PCMT1: variants seen among roughly 807,000 people sequenced by gnomAD.
PCMT1 encodes the protein protein-L-isoaspartate (D-aspartate) O-methyltransferase.
In PCMT1, 9 loss-of-function variants were observed where a neutral mutation model predicts 29.2. That is an observed-to-expected ratio of 0.31 (90% CI 0.19 to 0.54). The LOEUF (loss-of-function observed/expected upper bound fraction) is 0.54. Ranked by LOEUF, PCMT1 falls within the 20% of genes least tolerant of loss-of-function variation. The pLI is 0.95. For missense variants in PCMT1, 184 were observed against 282.2 expected, an observed-to-expected ratio of 0.65 and a Z score of 2.49; for synonymous variants, 98 against 97.5, an observed-to-expected ratio of 1.00 and a Z score of -0.03.
At chr6:149,804,746 C>T (rs1048501838) in intron 7 of PCMT1, among the ~76,000 whole-genome samples, 1 of 152,056 alleles carries the variant, frequency 6.6e-6, no homozygotes, top group Non-Finnish European at 1.5e-5. Context: ...AGGTGATCTG[C>T]CCGCCTCGGC....
At chr6:149,805,210 G>A (rs935975526) in intron 7 of PCMT1, among the ~76,000 whole-genome samples, 2 of 152,192 alleles carry the variant, frequency 1.3e-5, no homozygotes, top group East Asian at 3.8e-4. Flanking sequence ...TCCAGGCTGG[G>A]CAACAGAGCA....
At chr6:149,781,190 GT>G (rs1267846983) in intron 3 of PCMT1, among the ~76,000 whole-genome samples, 26 of 50,988 alleles carry the variant, frequency 5.1e-4, no homozygotes, top group South Asian at 5.7e-4. Context: ...CCCCTTTCTT[GT>G]TTTTTTTTTT....
chr6:149,790,402 T>G (rs1788311246), intron 4 of PCMT1, among the ~76,000 whole-genome samples: 1 of 152,230 alleles, frequency 6.6e-6, no homozygotes, highest in African/African-American at 2.4e-5. Flanking sequence ...GTTGGTGTCA[T>G]TATCCGGTAA....
intron 6 of PCMT1, 48 bp downstream of exon 6, chr6:149,796,548 C>A: frequency 7.9e-7 from 1 of 1,268,996 alleles, no homozygotes; most frequent in Non-Finnish European, 1.1e-6. Flanking sequence ...AACTAAAACT[C>A]TACAAGACTT....
At chr6:149,801,926 C>G (rs143163159) in intron 6 of PCMT1, among the ~76,000 whole-genome samples, 2 of 151,790 alleles carry the variant, frequency 1.3e-5, no homozygotes, top group Non-Finnish European at 2.9e-5. Flanking sequence ...GTTAGGAGTT[C>G]GAGACCAGTG....
chr6:149,787,817 TCTC>T (rs1788185819), intron 3 of PCMT1, among the ~76,000 whole-genome samples: 1 of 125,624 alleles, frequency 8.0e-6, no homozygotes, highest in Non-Finnish European at 1.6e-5. Context: ...TTATCCCCTC[TCTC>T]CTCTGTGTGT....
chr6:149,790,532 T>TC (rs1376666903), intron 4 of PCMT1, among the ~76,000 whole-genome samples: 2 of 149,930 alleles, frequency 1.3e-5, no homozygotes, highest in African/African-American at 4.9e-5. Flanking sequence ...TTTTTTTTTT[T>TC]CTTCTTAAAA....
At chr6:149,784,916 C>A (rs1787959657) in intron 3 of PCMT1, among the ~76,000 whole-genome samples, 1 of 152,166 alleles carries the variant, frequency 6.6e-6, no homozygotes, top group South Asian at 2.1e-4. Context: ...TATCTTATGT[C>A]TACTCCACGT....
chr6:149,765,380 T>G (rs1381558813), intron 1 of PCMT1, among the ~76,000 whole-genome samples: 3 of 116,356 alleles, frequency 2.6e-5, no homozygotes, highest in African/African-American at 3.7e-5. Context: ...AAAAAAAAAA[T>G]TAAAAAATGC....
At chr6:149,787,061 C>T (rs1322219530) in intron 3 of PCMT1, among the ~76,000 whole-genome samples, 25 of 135,192 alleles carry the variant, frequency 1.8e-4, no homozygotes, top group Non-Finnish European at 2.4e-4. Flanking sequence ...TGGATCACTC[C>T]GGTTAGGAGC....
At chr6:149,751,476 C>CTTTTTT (rs76128652) in intron 1 of PCMT1, among the ~76,000 whole-genome samples, 1 of 116,554 alleles carries the variant, frequency 8.6e-6, no homozygotes. Flanking sequence ...ATGGTTGGTA[C>CTTTTTT]TTTTTTTTTT....
At chr6:149,800,130 CT>C (rs1411407134) in intron 6 of PCMT1, among the ~76,000 whole-genome samples, 1 of 152,054 alleles carries the variant, frequency 6.6e-6, no homozygotes, top group Non-Finnish European at 1.5e-5. Flanking sequence ...ACAACCAAAA[CT>C]TTGATTGAGG....
At position 149,793,662 on chromosome 6, in the gene PCMT1, G is replaced by T; in HGVS notation, c.411G>T (p.Gln137His). 6.5e-7 allele frequency: 1 copy of T among 1,538,606 alleles called. No individual in the cohort carries two copies. Among genetic ancestry groups the T allele is most frequent in the Non-Finnish European group, 8.6e-7 (1 of 1,156,352 alleles). Residue 137 changes from glutamine (Q) to histidine (H), a missense_variant, in exon 5 of 8, where the codon CAG becomes CAT. Gln to His is a conservative substitution (Grantham distance 24). Transcript: ENST00000464889. ...CACTTCTGTCTTCAGGGAGAGTACAGCTTGTTGGTAAGTATCAGAAAACTT... is the reference window on the plus strand; with the variant it reads ...CACTTCTGTCTTCAGGGAGAGTACATCTTGTTGGTAAGTATCAGAAAACTT... ...DPTLLSSGRV[Q>H]LVVGDGRMGY...
intron 3 of PCMT1, among the ~76,000 whole-genome samples, chr6:149,779,760 C>A (rs1350422542): frequency 6.6e-6 from 1 of 151,460 alleles, no homozygotes; most frequent in Non-Finnish European, 1.5e-5. Flanking sequence ...TGCAGTGAGC[C>A]AAGATCGCAC....
intron 1 of PCMT1, among the ~76,000 whole-genome samples, chr6:149,769,838 T>G (rs1194789887): frequency 7.0e-6 from 1 of 142,016 alleles, no homozygotes; most frequent in African/African-American, 2.6e-5. Context: ...TCTCAAGCTA[T>G]CCTCCCTGTT....
chr6:149,762,174 T>C (rs1182329093), intron 1 of PCMT1, among the ~76,000 whole-genome samples: 7 of 152,078 alleles, frequency 4.6e-5, no homozygotes, highest in African/African-American at 1.7e-4. Flanking sequence ...AACATATTTT[T>C]CTTACCATGA....
intron 3 of PCMT1, among the ~76,000 whole-genome samples, chr6:149,781,233 T>C (rs1314349886): frequency 6.7e-6 from 1 of 149,850 alleles, no homozygotes; most frequent in Non-Finnish European, 1.5e-5. Context: ...TTAAAACTTT[T>C]TTTTTTTTTC....
intron 1 of PCMT1, among the ~76,000 whole-genome samples, chr6:149,767,907 C>T (rs1425461730): frequency 6.6e-6 from 1 of 152,056 alleles, no homozygotes; most frequent in East Asian, 1.9e-4. Context: ...GATTCTCCTG[C>T]CTCAGCCTTC....
At chr6:149,768,565 C>CCTTA (rs1430105227) in intron 1 of PCMT1, among the ~76,000 whole-genome samples, 2 of 149,896 alleles carry the variant, frequency 1.3e-5, no homozygotes, top group African/African-American at 4.9e-5. Flanking sequence ...GATCCTCCTA[C>CCTTA]CTTAGCCTCT....
Sources: gnomAD v4.1 joint callset for allele counts (sites outside exome capture counted in the v4.1 genomes callset) on GRCh38, gnomAD v4.1.1 for gene constraint, MANE v1.5 for transcripts, NCBI Gene and HGNC (gene_info 2026-07-23, HGNC 2026-07-21) for gene names.